MEIG1: variants seen among roughly 807,000 people sequenced by gnomAD.
The protein encoded by MEIG1 is meiosis/spermiogenesis associated 1, also known as meiosis expressed gene 1 protein homolog.
In MEIG1, 12 loss-of-function variants were observed where a neutral mutation model predicts 11.3. That is an observed-to-expected ratio of 1.07 (90% confidence interval 0.68 to 1.73). The LOEUF (loss-of-function observed/expected upper bound fraction) is 1.73. MEIG1 is among the 40% of genes most tolerant of loss of function. The pLI, the probability that MEIG1 is intolerant of heterozygous loss-of-function variation, is 0.00. For missense variants in MEIG1, 119 were observed against 104.9 expected (o/e 1.13, Z -0.59); for synonymous variants, 41 against 33.2 (o/e 1.24, Z -0.81).
At chr10:14,959,955 G>C (rs577725951) in intron 1 of MEIG1, among the ~76,000 whole-genome samples, 6 of 152,230 alleles carry the variant, frequency 3.9e-5, no homozygotes, top group Non-Finnish European at 8.8e-5. Context: ...GGAGGGATGG[G>C]GACTGCAGGT....
intron 2 of MEIG1, chr10:14,987,473 G>C: frequency 5.6e-6 from 4 of 714,358 alleles, no homozygotes; most frequent in Non-Finnish European, 1.0e-5. Flanking sequence ...GAAGGAAAGA[G>C]GATTGGAAAA....
chr10:14,956,395 A>T (rs1436360969), upstream of MEIG1, among the ~76,000 whole-genome samples: 1 of 149,156 alleles, frequency 6.7e-6, no homozygotes, highest in Non-Finnish European at 1.5e-5. Flanking sequence ...CCTGACCAAC[A>T]TGGGGAAACC....
chr10:14,967,686 C>T (rs1227760424), intron 2 of MEIG1, among the ~76,000 whole-genome samples: 2 of 152,082 alleles, frequency 1.3e-5, no homozygotes, highest in South Asian at 4.2e-4. Context: ...TGCTTCATGC[C>T]GTCAAAAATT....
upstream of MEIG1, among the ~76,000 whole-genome samples, chr10:14,957,941 C>T (rs530647318): frequency 9.2e-5 from 14 of 152,178 alleles, no homozygotes; most frequent in South Asian, 2.1e-4. Context: ...CCACCGCGCC[C>T]GGCCTTGACT....
intron 1 of MEIG1, among the ~76,000 whole-genome samples, chr10:14,964,333 C>T (rs1418204589): frequency 6.6e-6 from 1 of 151,830 alleles, no homozygotes. Context: ...GTCTGAAATT[C>T]AGCAAGTCTG....
intron 1 of MEIG1, among the ~76,000 whole-genome samples, chr10:14,981,643 G>A (rs573306384): frequency 6.6e-6 from 1 of 152,278 alleles, no homozygotes; most frequent in African/African-American, 2.4e-5. Flanking sequence ...GCTTGAGCCC[G>A]GTCTCCCTCA....
In MEIG1 at chr10:14,981,077, G is replaced by A. The variant is rs576790469; in HGVS notation, n.67-5719G>A. On this transcript the variant is annotated intron_variant and non_coding_transcript_variant, in intron 1 of 2. Transcript: ENST00000467536. ...GAAGTATCATTCCACAAGTTCTTAG[G>A]TGCTTGAGACGGACCTGGATACCTT... Among the ~76,000 whole-genome samples, 11 of 152,262 alleles carry A rather than the reference G, an allele frequency of 7.2e-5. No individual in the cohort carries two copies. The East Asian group carries it at 1.2e-3, about 16-fold the overall frequency.
downstream of MEIG1, among the ~76,000 whole-genome samples, chr10:14,975,683 G>A (rs1289311007): frequency 6.6e-6 from 1 of 151,926 alleles, no homozygotes; most frequent in Non-Finnish European, 1.5e-5. Flanking sequence ...ATTCCAAGGG[G>A]GAGAGGATAA....
chr10:14,961,054 AAAT>A (rs1843006876), intron 1 of MEIG1, among the ~76,000 whole-genome samples: 1 of 152,220 alleles, frequency 6.6e-6, no homozygotes, highest in South Asian at 2.1e-4. Context: ...TAAATAAATA[AAAT>A]AACATGCTCC....
downstream of MEIG1, among the ~76,000 whole-genome samples, chr10:14,975,559 CAGG>C (rs527984057): frequency 2.2e-4 from 33 of 152,210 alleles, no homozygotes; most frequent in African/African-American, 8.0e-4. Flanking sequence ...CCCCATACCG[CAGG>C]AGGTGTACAC....
At chr10:14,981,266 C>A (rs528353883) in intron 1 of MEIG1, among the ~76,000 whole-genome samples, 1 of 150,942 alleles carries the variant, frequency 6.6e-6, no homozygotes, top group East Asian at 2.0e-4. Flanking sequence ...AGTCTCCATT[C>A]CTCCTCTCGG....
intron 2 of MEIG1, among the ~76,000 whole-genome samples, chr10:14,969,725 A>G (rs1018113355): frequency 3.9e-5 from 6 of 152,006 alleles, no homozygotes; most frequent in African/African-American, 1.2e-4. Flanking sequence ...AATCCCAGCT[A>G]CTAGGGAGGC....
At chr10:14,965,233 G>T (rs1843066613) in intron 1 of MEIG1, among the ~76,000 whole-genome samples, 1 of 152,160 alleles carries the variant, frequency 6.6e-6, no homozygotes, top group Admixed American at 6.5e-5. Flanking sequence ...TTTAATAGAA[G>T]AATGCATTCA....
intron 1 of MEIG1, among the ~76,000 whole-genome samples, chr10:14,960,249 A>G (rs1214502578): frequency 1.3e-5 from 2 of 152,168 alleles, no homozygotes; most frequent in African/African-American, 2.4e-5. Flanking sequence ...GGAGGAATAA[A>G]AGGGACTATT....
At chr10:14,961,638 A>ATTTTTTTTTTTTTTTTTTTTTTTT (rs34536061) in intron 1 of MEIG1, among the ~76,000 whole-genome samples, 2 of 76,594 alleles carry the variant, frequency 2.6e-5, no homozygotes, top group African/African-American at 4.6e-5. Context: ...CATCCGGCTA[A>ATTTTTTTTTTTTTTTTTTTTTTTT]TTTTTTTTTT....
At chr10:14,976,919 C>T (rs1349250972), downstream of MEIG1, among the ~76,000 whole-genome samples, 1 of 151,792 alleles carries the variant, frequency 6.6e-6, no homozygotes, top group Non-Finnish European at 1.5e-5. Flanking sequence ...ATTATTCGTA[C>T]TGTCCTGAAG....
upstream of MEIG1, among the ~76,000 whole-genome samples, chr10:14,956,518 A>G (rs1185322074): frequency 6.6e-6 from 1 of 152,076 alleles, no homozygotes; most frequent in Non-Finnish European, 1.5e-5. Context: ...GGATGCGGAA[A>G]TTGCACTGAG....
At chr10:14,986,822 G>A (rs1193279444) in exon 2 of MEIG1, 1 of 362,712 alleles carries the variant, frequency 2.8e-6, no homozygotes, top group African/African-American at 2.1e-5. Context: ...TGTTGGCCAA[G>A]CGGGTCTCGA....
At chr10:14,966,195 C>T (rs1437667232) in intron 1 of MEIG1, among the ~76,000 whole-genome samples, 1 of 151,702 alleles carries the variant, frequency 6.6e-6, no homozygotes, top group Non-Finnish European at 1.5e-5. Context: ...GCCCCAGTAG[C>T]TGGGATGACA....
Sources: gnomAD v4.1 joint callset for allele counts (sites outside exome capture counted in the v4.1 genomes callset) on GRCh38, gnomAD v4.1.1 for gene constraint, MANE v1.5 for transcripts, NCBI Gene and HGNC (gene_info 2026-07-23, HGNC 2026-07-21) for gene names.